The following EFCAB8 variants were observed in gnomAD, a reference collection of about 807,000 sequenced individuals.
EFCAB8 encodes the protein EF-hand calcium binding domain 8.
A neutral mutation model predicts 116.3 loss-of-function variants in EFCAB8; 100 were observed. That is an observed-to-expected ratio of 0.86 (90% CI 0.73 to 1.02). The LOEUF (loss-of-function observed/expected upper bound fraction) is 1.02. EFCAB8 is among the 50% of genes least tolerant of loss of function. The pLI is 0.00. For missense variants in EFCAB8, 1,320 were observed against 1,416.9 expected (o/e 0.93, Z 1.10); for synonymous variants, 558 against 567.9 (o/e 0.98, Z 0.25).
intron 23 of EFCAB8, among the ~76,000 whole-genome samples, chr20:32,945,113 A>C (rs1988545643): frequency 6.6e-6 from 1 of 151,548 alleles, no homozygotes; most frequent in African/African-American, 2.4e-5. Flanking sequence ...GAATTCAATT[A>C]TTTTACTCTT....
At chr20:32,915,361 T>C (rs1987137098) in intron 17 of EFCAB8, among the ~76,000 whole-genome samples, 1 of 152,242 alleles carries the variant, frequency 6.6e-6, no homozygotes, top group East Asian at 1.9e-4. Context: ...TCTACCTGTC[T>C]CAAAACACTA....
At chr20:32,941,930 T>C (rs1988422292) in intron 22 of EFCAB8, among the ~76,000 whole-genome samples, 1 of 152,256 alleles carries the variant, frequency 6.6e-6, no homozygotes. Context: ...ACAAATGTTT[T>C]TTGTTGTTGT....
intron 1 of EFCAB8, among the ~76,000 whole-genome samples, chr20:32,863,221 C>G (rs1984207360): frequency 6.6e-6 from 1 of 152,094 alleles, no homozygotes; most frequent in Admixed American, 6.6e-5. Flanking sequence ...TCCAAAGACC[C>G]TAACAAAACG....
intron 22 of EFCAB8, among the ~76,000 whole-genome samples, chr20:32,931,950 AT>A (rs1987926503): frequency 6.6e-6 from 1 of 152,244 alleles, no homozygotes; most frequent in Admixed American, 6.5e-5. Flanking sequence ...AGAAGAACAT[AT>A]ATTAGAAATG....
chr20:32,942,588 T>TC (rs1166972515), intron 22 of EFCAB8, among the ~76,000 whole-genome samples: 3 of 151,972 alleles, frequency 2.0e-5, no homozygotes, highest in South Asian at 4.2e-4. Context: ...ATTACAAATA[T>TC]CCCCCCCAAT....
At chr20:32,935,188 CTTTCTTTTTTTTTTTT>C (rs1433524794) in intron 22 of EFCAB8, among the ~76,000 whole-genome samples, 12 of 66,930 alleles carry the variant, frequency 1.8e-4, no homozygotes, top group Non-Finnish European at 2.9e-4. Flanking sequence ...TTCTTTCTTT[CTTTCTTTTTTTTTTTT>C]TTTTTTTTTT....
chr20:32,931,716 C>T (rs1246616032), intron 22 of EFCAB8, among the ~76,000 whole-genome samples: 1 of 152,140 alleles, frequency 6.6e-6, no homozygotes, highest in East Asian at 1.9e-4. Context: ...TGAGATCGCG[C>T]CATTGCATTC....
chr20:32,915,815 G>A (rs1457774807), intron 17 of EFCAB8, among the ~76,000 whole-genome samples: 1 of 152,002 alleles, frequency 6.6e-6, no homozygotes, highest in Non-Finnish European at 1.5e-5. Context: ...GGGATTATAA[G>A]TGTGTGCCAC....
At chr20:32,944,787 G>A (rs1988530589) in intron 23 of EFCAB8, among the ~76,000 whole-genome samples, 2 of 151,886 alleles carry the variant, frequency 1.3e-5, no homozygotes, top group Admixed American at 6.6e-5. Context: ...GTCTCCTTGT[G>A]GATTTCTTTG....
chr20:32,898,827 C>T (rs1986290528), intron 11 of EFCAB8, among the ~76,000 whole-genome samples: 1 of 152,138 alleles, frequency 6.6e-6, no homozygotes, highest in African/African-American at 2.4e-5. Context: ...AGCATAGAAG[C>T]CAGCACAGAG....
chr20:32,947,402 TA>T (rs1484330514), intron 23 of EFCAB8, among the ~76,000 whole-genome samples: 4 of 152,236 alleles, frequency 2.6e-5, no homozygotes, highest in Non-Finnish European at 5.9e-5. Context: ...AAACAAACAT[TA>T]TTTTTAAGTG....
rs1316561409 is a variant in EFCAB8 at position 32,889,352 on chromosome 20, G to A, written c.619G>A (p.Val207Ile). Residue 207 changes from valine (V) to isoleucine (I), a missense_variant, in exon 7 of 27, where the codon GTA (valine) becomes ATA (isoleucine). Coordinates refer to ENST00000400522, the MANE Select transcript of EFCAB8 (RefSeq NM_001143967.2). ...YNQPMWVIDM[V>I]CLHNMNLVAV... ...CCAGCCGATGTGGGTCATTGACATG[G>A]TATGTCTGCACAATATGAACCTCGT... The A allele has an allele frequency of 1.3e-6, 2 of 1,551,724 alleles. No homozygotes were observed. The highest frequency in any genetic ancestry group is 2.7e-5 in the African/African-American group (2 of 73,026).
chr20:32,899,404 CAAAA>C (rs113891250), intron 11 of EFCAB8, among the ~76,000 whole-genome samples: 3 of 93,698 alleles, frequency 3.2e-5, no homozygotes, highest in Non-Finnish European at 4.2e-5. Context: ...GACTCCGTCT[CAAAA>C]AAAAAAAAAA....
rs768454719 is a variant in EFCAB8 at position 32,960,046 on chromosome 20, G to C, written c.3295-17G>C. The C allele has an allele frequency of 4.5e-6, 7 of 1,551,658 alleles. No individual in the cohort carries two copies. The highest frequency in any genetic ancestry group is 1.2e-5 in the South Asian group (1 of 84,052). On this transcript the variant is annotated splice_polypyrimidine_tract_variant and intron_variant, in intron 25 of 26. Coordinates refer to ENST00000400522, the MANE Select transcript of EFCAB8 (RefSeq NM_001143967.2). ...CCCCCAACTCGCAGCCTTCATTCTT[G>C]GGCGTGGCTCCTGCAGGTGAGCAAA...
intron 5 of EFCAB8, among the ~76,000 whole-genome samples, chr20:32,879,241 G>C (rs1276892005): frequency 6.6e-6 from 1 of 152,178 alleles, no homozygotes; most frequent in African/African-American, 2.4e-5. Context: ...TTCCTCCCAG[G>C]CAACAGGAAG....
intron 20 of EFCAB8, among the ~76,000 whole-genome samples, chr20:32,928,604 T>C (rs1987765569): frequency 6.6e-6 from 1 of 152,200 alleles, no homozygotes; most frequent in African/African-American, 2.4e-5. Context: ...TAGCCCCTTT[T>C]TTTTGGTGTG....
intron 4 of EFCAB8, among the ~76,000 whole-genome samples, chr20:32,877,657 T>C (rs1985051426): frequency 3.9e-5 from 6 of 152,244 alleles, no homozygotes; most frequent in Admixed American, 3.9e-4. Context: ...CAACCCCGTT[T>C]CTTGTTACAG....
chr20:32,896,630 T>C (rs1986173932), intron 10 of EFCAB8, 103 bp downstream of exon 10: 1 of 670,842 alleles, frequency 1.5e-6, no homozygotes, highest in Non-Finnish European at 2.7e-6. Flanking sequence ...GGTTCAGTCT[T>C]AGCCCTTGGG....
At chr20:32,960,915 G>A (rs548145370) in intron 26 of EFCAB8, among the ~76,000 whole-genome samples, 21 of 152,350 alleles carry the variant, frequency 1.4e-4, no homozygotes, top group East Asian at 1.2e-3. Context: ...CACAAGCGCC[G>A]TAACTGGGTG....
Sources: gnomAD v4.1 joint callset for allele counts (sites outside exome capture counted in the v4.1 genomes callset) on GRCh38, gnomAD v4.1.1 for gene constraint, MANE v1.5 for transcripts, NCBI Gene and HGNC (gene_info 2026-07-23, HGNC 2026-07-21) for gene names.